ENTREP2: variants seen among roughly 807,000 people sequenced by gnomAD.
ENTREP2 encodes protein ENTREP2.
chr15:29,525,280 T>C, the ENTREP2 span, among the ~76,000 whole-genome samples: 1 of 152,242 alleles, frequency 6.6e-6, no homozygotes, highest in African/African-American at 2.4e-5. Flanking sequence ...AAACATGTGT[T>C]CACTCCAAAA....
the ENTREP2 span, among the ~76,000 whole-genome samples, chr15:29,578,213 G>T: frequency 6.6e-6 from 1 of 152,294 alleles, no homozygotes; most frequent in South Asian, 2.1e-4. Context: ...ACACTTGTAG[G>T]TTGCTGGAAT....
chr15:29,197,539 G>A, the ENTREP2 span, among the ~76,000 whole-genome samples: 15 of 152,074 alleles, frequency 9.9e-5, no homozygotes, highest in African/African-American at 3.4e-4. Context: ...AGGCTGAGGC[G>A]GGCAGATCAC....
chr15:29,230,684 G>A, the ENTREP2 span, among the ~76,000 whole-genome samples: 3 of 152,224 alleles, frequency 2.0e-5, no homozygotes, highest in South Asian at 4.2e-4. Context: ...GGAACAGCAC[G>A]TACAAGGGAT....
At chr15:29,414,669 TAG>T in the ENTREP2 span, among the ~76,000 whole-genome samples, 1 of 151,874 alleles carries the variant, frequency 6.6e-6, no homozygotes, top group Non-Finnish European at 1.5e-5. Context: ...CTGAAGGAGA[TAG>T]AGACACAAAA....
the ENTREP2 span, among the ~76,000 whole-genome samples, chr15:29,580,444 C>T: frequency 6.6e-6 from 1 of 152,130 alleles, no homozygotes; most frequent in Non-Finnish European, 1.5e-5. Context: ...ACACTAAGTG[C>T]CAGTTATTTT....
At chr15:29,144,998 G>A in the ENTREP2 span, among the ~76,000 whole-genome samples, 3 of 152,230 alleles carry the variant, frequency 2.0e-5, no homozygotes, top group Non-Finnish European at 4.4e-5. Flanking sequence ...GGAGGATGCA[G>A]TCAGCTGAGA....
chr15:29,441,562 G>C, the ENTREP2 span, among the ~76,000 whole-genome samples: 1 of 152,180 alleles, frequency 6.6e-6, no homozygotes, highest in East Asian at 1.9e-4. Flanking sequence ...GCACGTGTGT[G>C]TGTGTGAGAA....
the ENTREP2 span, among the ~76,000 whole-genome samples, chr15:29,444,221 A>G: frequency 2.0e-5 from 3 of 151,514 alleles, no homozygotes; most frequent in African/African-American, 7.3e-5. Flanking sequence ...AAAGAAAGAA[A>G]GAAAGAAAGA....
chr15:29,604,977 T>TC, the ENTREP2 span, among the ~76,000 whole-genome samples: 2 of 152,168 alleles, frequency 1.3e-5, no homozygotes, highest in African/African-American at 4.8e-5. Context: ...ACCGTGGTAT[T>TC]TATAGGAGTA....
At chr15:29,364,650 A>C in the ENTREP2 span, among the ~76,000 whole-genome samples, 2 of 152,236 alleles carry the variant, frequency 1.3e-5, no homozygotes, top group African/African-American at 4.8e-5. Context: ...GGAGACAGAG[A>C]TAGATCATGC....
the ENTREP2 span, among the ~76,000 whole-genome samples, chr15:29,637,935 G>A: frequency 2.5e-5 from 3 of 119,266 alleles, no homozygotes; most frequent in Admixed American, 7.8e-5. Flanking sequence ...GAAGATGGTC[G>A]GAGTTATTGT....
chr15:29,207,875 C>T, the ENTREP2 span, among the ~76,000 whole-genome samples: 10 of 152,064 alleles, frequency 6.6e-5, no homozygotes, highest in Admixed American at 6.5e-5. Context: ...GCACAATGGG[C>T]GTGGAATCAT....
the ENTREP2 span, among the ~76,000 whole-genome samples, chr15:29,667,776 G>A: frequency 1.3e-5 from 2 of 152,108 alleles, no homozygotes; most frequent in African/African-American, 4.8e-5. Context: ...GATTATAGGC[G>A]GGATCCACTA....
At chr15:29,662,211 CAAAAAAAA>C in the ENTREP2 span, among the ~76,000 whole-genome samples, 2 of 46,948 alleles carry the variant, frequency 4.3e-5, no homozygotes, top group African/African-American at 6.7e-5. Flanking sequence ...AACCCTGTCG[CAAAAAAAA>C]AAAAAAAAAA....
At chr15:29,441,468 A>G in the ENTREP2 span, among the ~76,000 whole-genome samples, 1 of 152,172 alleles carries the variant, frequency 6.6e-6, no homozygotes, top group Admixed American at 6.5e-5. Context: ...ACTCCATGGC[A>G]TTTGACACTG....
At chr15:29,444,908 A>G in the ENTREP2 span, among the ~76,000 whole-genome samples, 1 of 152,208 alleles carries the variant, frequency 6.6e-6, no homozygotes, top group African/African-American at 2.4e-5. Flanking sequence ...GGCTCTAGAA[A>G]AGGGAGGAAG....
chr15:29,307,902 C>T, the ENTREP2 span, among the ~76,000 whole-genome samples: 1 of 152,166 alleles, frequency 6.6e-6, no homozygotes, highest in Non-Finnish European at 1.5e-5. Flanking sequence ...TTAATCCACC[C>T]AGTTTACATT....
chr15:29,314,355 T>C, the ENTREP2 span, among the ~76,000 whole-genome samples: 1 of 152,102 alleles, frequency 6.6e-6, no homozygotes, highest in Admixed American at 6.5e-5. Context: ...TGCAGCAAAC[T>C]TCATCACTGT....
the ENTREP2 span, among the ~76,000 whole-genome samples, chr15:29,340,772 C>T: frequency 9.2e-5 from 14 of 152,212 alleles, no homozygotes; most frequent in Admixed American, 7.8e-4. Context: ...CCGAGGAAAT[C>T]ACATGTATGA....
Sources: gnomAD v4.1 joint callset for allele counts (sites outside exome capture counted in the v4.1 genomes callset) on GRCh38, gnomAD v4.1.1 for gene constraint, MANE v1.5 for transcripts, NCBI Gene and HGNC (gene_info 2026-07-23, HGNC 2026-07-21) for gene names.